The following MEIS3 variants were observed in gnomAD, a reference collection of about 807,000 sequenced individuals.
MEIS3 encodes the protein homeobox protein Meis3.
In MEIS3, 38 loss-of-function variants were observed where a neutral mutation model predicts 51.4. The ratio of observed to expected loss-of-function variants is 0.74; its 90% CI spans 0.57 to 0.97. The LOEUF (loss-of-function observed/expected upper bound fraction) is 0.97, where lower values mean the gene tolerates loss of function less well. MEIS3 is among the 50% of genes least tolerant of loss of function. MEIS3 has a pLI of 0.00. For missense variants in MEIS3, 456 were observed against 502.6 expected (o/e 0.91, Z 0.89); for synonymous variants, 198 against 201.8 (o/e 0.98, Z 0.16).
upstream of MEIS3, among the ~76,000 whole-genome samples, chr19:47,420,600 G>C (rs923241957): frequency 1.0e-4 from 15 of 143,906 alleles, no homozygotes; most frequent in Non-Finnish European, 1.9e-4. Context: ...ACAGACAGGA[G>C]GGGGAGGGAG....
chr19:47,409,228 G>A lies in MEIS3; in HGVS notation c.729C>T (p.Ser243=), dbSNP rs1263866955. The A allele has an allele frequency of 2.5e-6, 4 of 1,612,668 alleles. No homozygotes were observed. The highest frequency in any genetic ancestry group is 3.4e-6 in the Non-Finnish European group (4 of 1,179,720). ...CTCCACCAGAACTGGGAGAGGCCAC[G>A]CTGGTGTCCAGCCCGTCTCCTGAGG... ...SSDQGDGLDT[S]VASPSSGGED... The change falls in exon 8 of 13, where the codon AGC becomes AGT. Residue 243 remains serine, a synonymous_variant. Coordinates refer to ENST00000558555, the MANE Select transcript of MEIS3 (RefSeq NM_001301059.2).
Position 47,406,447 on chromosome 19 carries a change from T to C in MEIS3, c.*17+13A>G. Reference sequence around the variant, plus strand: ...TGAGAATTGCACAATCCCCAGCCCTTAGACCCTCACACCTCTCCTGCATCA... The same window carrying C: ...TGAGAATTGCACAATCCCCAGCCCTCAGACCCTCACACCTCTCCTGCATCA... On this transcript the variant is annotated intron_variant, in intron 12 of 12. Coordinates refer to ENST00000558555, the MANE Select transcript of MEIS3 (RefSeq NM_001301059.2). The C allele has an allele frequency of 6.2e-7, 1 of 1,610,752 alleles. No homozygotes were observed. Among genetic ancestry groups the C allele is most frequent in the Non-Finnish European group, 8.5e-7 (1 of 1,177,742 alleles).
At chr19:47,411,300 G>C (rs995310907) in intron 6 of MEIS3, among the ~76,000 whole-genome samples, 16 of 152,116 alleles carry the variant, frequency 1.1e-4, no homozygotes, top group Non-Finnish European at 1.5e-4. Flanking sequence ...TCCTAGGCAG[G>C]GTCTGGGGCA....
intron 6 of MEIS3, among the ~76,000 whole-genome samples, chr19:47,413,165 G>A (rs538123194): frequency 6.6e-6 from 1 of 151,962 alleles, no homozygotes; most frequent in East Asian, 2.0e-4. Flanking sequence ...GGGAGGCCGA[G>A]GCGGGAGGAT....
At chr19:47,408,078 T>C (rs1476517407) in intron 8 of MEIS3, among the ~76,000 whole-genome samples, 2 of 152,176 alleles carry the variant, frequency 1.3e-5, no homozygotes, top group African/African-American at 4.8e-5. Context: ...GTGTTGGGAT[T>C]ACAGGCATAA....
chr19:47,420,526 A>AGAG (rs199947456), upstream of MEIS3, among the ~76,000 whole-genome samples: 1 of 123,928 alleles, frequency 8.1e-6, no homozygotes, highest in African/African-American at 3.9e-5. Flanking sequence ...TGATTCAGAG[A>AGAG]GAGAGAGAGA....
At chr19:47,412,080 T>C (rs1482164926) in intron 6 of MEIS3, among the ~76,000 whole-genome samples, 2 of 152,054 alleles carry the variant, frequency 1.3e-5, no homozygotes, top group Non-Finnish European at 2.9e-5. Context: ...GCAATCCTCC[T>C]GCCTCGACTT....
chr19:47,422,199 G>A (rs1971730899), upstream of MEIS3, among the ~76,000 whole-genome samples: 1 of 151,866 alleles, frequency 6.6e-6, no homozygotes, highest in African/African-American at 2.4e-5. Context: ...CATTAGCCAC[G>A]GCTCAGCGGT....
rs1970685830 is a variant in MEIS3 at position 47,403,569 on chromosome 19, G to A, written c.*18-16C>T. On this transcript the variant is annotated splice_polypyrimidine_tract_variant and intron_variant, in intron 12 of 12. Transcript: ENST00000558555. ...GAGGCTGGGTCTGTGGAGAGGGGAG[G>A]AGAGGCCAAGTCAGGAGCGGGCAGG... is the stretch of plus-strand genomic sequence containing the variant. The A allele has an allele frequency of 2.3e-6, 1 of 428,990 alleles. No individual in the cohort carries two copies. Among genetic ancestry groups the A allele is most frequent in the African/African-American group, 2.0e-5 (1 of 49,180 alleles). The allele number at this position is 428,990 out of a possible 1,614,324, so 26.6% of individuals were successfully genotyped here.
At chr19:47,422,110 A>C (rs1456312346), upstream of MEIS3, among the ~76,000 whole-genome samples, 1 of 146,850 alleles carries the variant, frequency 6.8e-6, no homozygotes, top group African/African-American at 2.5e-5. Flanking sequence ...CCGAGCCCAG[A>C]CTCCTGTGGC....
chr19:47,417,060 CCAGAGAGGG>C, intron 2 of MEIS3, 97 bp from the exon 3 acceptor site: 1 of 1,529,870 alleles, frequency 6.5e-7, no homozygotes, highest in South Asian at 1.2e-5. Flanking sequence ...GACAAGAGAC[CCAGAGAGGG>C]AAGGAGACAG....
chr19:47,407,683 T>G, intron 8 of MEIS3: 15 of 681,884 alleles, frequency 2.2e-5, no homozygotes, highest in Middle Eastern at 4.8e-4. Context: ...TTAGAGAGAC[T>G]GTGTTGGGGG....
chr19:47,406,982 G>A lies in MEIS3; in HGVS notation c.995-11C>T, dbSNP rs201377906. The stretch of plus-strand genomic sequence containing the variant: ...AGGCTGCACCCTGCCCTGCGAAGGG[G>A]GTTCAGAGGTGCAGGCTGAGCCCCA... On this transcript the variant is annotated splice_polypyrimidine_tract_variant and intron_variant, in intron 10 of 12. Transcript: ENST00000558555. 279 of 1,574,016 alleles carry A rather than the reference G, an allele frequency of 1.8e-4. 1 individual carries two copies. The African/African-American group carries it at 3.6e-3, about 20-fold the overall frequency.
chr19:47,414,894 G>A (rs1296161667), intron 5 of MEIS3, 28 bp from the exon 6 acceptor site: 1 of 1,507,296 alleles, frequency 6.6e-7, no homozygotes, highest in Non-Finnish European at 9.1e-7. Flanking sequence ...TACTGGGGGG[G>A]GCCACCCACG....
upstream of MEIS3, among the ~76,000 whole-genome samples, chr19:47,421,352 AAC>A (rs1331869632): frequency 6.6e-6 from 1 of 152,056 alleles, no homozygotes; most frequent in Non-Finnish European, 1.5e-5. Flanking sequence ...TCAGTGCCCC[AAC>A]CTGAGCACCG....
intron 5 of MEIS3, 71 bp from the exon 6 acceptor site, chr19:47,414,937 G>GA: frequency 8.6e-7 from 1 of 1,160,086 alleles, no homozygotes; most frequent in South Asian, 1.3e-5. Flanking sequence ...GGACGGGGGC[G>GA]GCATTCTGCT....
At chr19:47,403,871 G>A (rs1970699875) in intron 12 of MEIS3, among the ~76,000 whole-genome samples, 1 of 151,946 alleles carries the variant, frequency 6.6e-6, no homozygotes, top group Non-Finnish European at 1.5e-5. Context: ...AGAGAGAGAA[G>A]AAGTCATGAA....
At chr19:47,407,471 G>T in intron 8 of MEIS3, 43 bp from the exon 9 acceptor site, 1 of 1,613,594 alleles carries the variant, frequency 6.2e-7, no homozygotes. Flanking sequence ...CTGGCCGGCC[G>T]CAGTCTGAAC....
chr19:47,406,846 T>C (rs1333216522), intron 11 of MEIS3, 42 bp downstream of exon 11: 5 of 1,512,972 alleles, frequency 3.3e-6, no homozygotes, highest in East Asian at 2.4e-5. Context: ...AGGTGGGTCA[T>C]GGTGCGCAGG....
Sources: gnomAD v4.1 joint callset for allele counts (sites outside exome capture counted in the v4.1 genomes callset) on GRCh38, gnomAD v4.1.1 for gene constraint, MANE v1.5 for transcripts, NCBI Gene and HGNC (gene_info 2026-07-23, HGNC 2026-07-21) for gene names.